Variants in FLII observed in about 807,000 individuals in gnomAD.
FLII encodes FLII actin remodeling protein.
A neutral mutation model predicts 156.2 loss-of-function variants in FLII; 101 were observed. That is an observed-to-expected ratio of 0.65 (90% CI 0.55 to 0.76). The LOEUF (loss-of-function observed/expected upper bound fraction) is 0.76. FLII is among the 30% of genes least tolerant of loss of function. The pLI, the probability that FLII is intolerant of heterozygous loss-of-function variation, is 0.00. For missense variants in FLII, 1,675 were observed against 1,682.8 expected, an observed-to-expected ratio of 1.00 and a Z score of 0.08; for synonymous variants, 767 against 685.8, an observed-to-expected ratio of 1.12 and a Z score of -1.85.
At chr17:18,253,169 AAAG>A (rs1217631366) in intron 9 of FLII, 129 bp downstream of exon 9, 2 of 940,290 alleles carry the variant, frequency 2.1e-6, no homozygotes, top group East Asian at 5.3e-5. Context: ...AAAGAAAAGA[AAAG>A]AAAAGAAAAG....
chr17:18,245,844 T>C lies in FLII; in HGVS notation c.3403A>G (p.Asn1135Asp), dbSNP rs1332987497. ...AAGTTCTCAGGCTCCTCACCTTCGT[T>C]GATAACCTGCGGGAAAGGCCAGTCC... is the stretch of plus-strand genomic sequence containing the variant. ...FDTSYSKQVI[N>D]EGEEPENFFW... Residue 1135 changes from asparagine to aspartate, a missense_variant, in exon 27 of 30, where the codon AAC becomes GAC. Asn to Asp is a conservative substitution (Grantham distance 23, BLOSUM62 1). Transcript: ENST00000327031. 1.2e-6 allele frequency: 2 copies of C among 1,613,764 alleles called. No individual in the cohort carries two copies. Among genetic ancestry groups the C allele is most frequent in the Non-Finnish European group, 1.7e-6 (2 of 1,179,972 alleles).
Position 18,249,320 on chromosome 17 carries a change from C to A in FLII, c.1859+6G>T. ...TCCATACCCCCCACTGCCCACACAC[C>A]CTCACCTGGTGACATAGTGTGTGTC... On this transcript the variant is annotated splice_donor_region_variant and intron_variant, in intron 15 of 29. Coordinates refer to ENST00000327031, the MANE Select transcript of FLII (RefSeq NM_002018.4). 6.2e-7 allele frequency: 1 copy of A among 1,613,796 alleles called. No homozygotes were observed. The highest frequency in any genetic ancestry group is 8.5e-7 in the Non-Finnish European group (1 of 1,179,666).
chr17:18,254,188 A>C lies in FLII; in HGVS notation c.576-6T>G, dbSNP rs747740550. 6.3e-7 allele frequency: 1 copy of C among 1,599,652 alleles called. No homozygotes were observed. Among genetic ancestry groups the C allele is most frequent in the Non-Finnish European group, 8.5e-7 (1 of 1,172,990 alleles). ...CCGTCATCGCTGGGAGCTGCCTGCC[A>C]GGGTGACGTGAGTGGTCAGGGCCAG... On this transcript the variant is annotated splice_region_variant and splice_polypyrimidine_tract_variant and intron_variant, in intron 6 of 29. Transcript: ENST00000327031.
Position 18,251,402 on chromosome 17 carries a change from A to C in FLII, c.1459T>G (p.Tyr487Asp). 6.2e-7 allele frequency: 1 copy of C among 1,613,368 alleles called. No individual in the cohort carries two copies. Among genetic ancestry groups the C allele is most frequent in the Non-Finnish European group, 8.5e-7 (1 of 1,179,948 alleles). ...ACGTCCTCCGTGAAGAACTCGGAGT[A>C]GTCAAGGCGGGGCTTCTCCAGGCCC... ...DQGLEKPRLD[Y>D]SEFFTEDVGQ... is the part of the protein sequence containing the mutation. The change falls in exon 13 of 30, where the codon TAC becomes GAC. Residue 487 changes from tyrosine to aspartate, a missense_variant. Tyr to Asp is a radical substitution (Grantham distance 160). Coordinates refer to ENST00000327031, the MANE Select transcript of FLII (RefSeq NM_002018.4).
In FLII at chr17:18,246,335, C is replaced by T. The variant is rs745813040; in HGVS notation, c.3179G>A (p.Arg1060His). The T allele has an allele frequency of 1.2e-5, 20 of 1,613,604 alleles. No homozygotes were observed. Among genetic ancestry groups the T allele is most frequent in the African/African-American group, 5.3e-5 (4 of 74,930 alleles). The stretch of plus-strand genomic sequence containing the variant: ...GGTGCAGAGGGCGCTGCCGTTGGTG[C>T]GGATCTGGTAGAGGCTGGGCTGTTG... ...GAQQPSLYQIRTNGSALCTRC... is the reference protein window; with the variant it reads ...GAQQPSLYQIHTNGSALCTRC... Residue 1060 changes from arginine to histidine, a missense_variant, in exon 24 of 30, where the codon CGC (arginine) becomes CAC (histidine). This residue lies in a region of FLII where 1,332 missense variants were observed against 1,269.3 expected (regional missense o/e 1.05). Transcript: ENST00000327031.
At chr17:18,249,821 C>A (rs113653888) in intron 14 of FLII, among the ~76,000 whole-genome samples, 8,013 of 149,732 alleles carry the variant, frequency 0.054, 684 homozygotes, top group African/African-American at 0.18. Flanking sequence ...CAAACAACAA[C>A]AAAAAAAACA....
chr17:18,256,115 C>T (rs1304567258), intron 3 of FLII, among the ~76,000 whole-genome samples: 1 of 152,228 alleles, frequency 6.6e-6, no homozygotes, highest in Non-Finnish European at 1.5e-5. Flanking sequence ...ACCAGCTCTA[C>T]CACTGCCTGG....
intron 1 of FLII, among the ~76,000 whole-genome samples, chr17:18,257,799 C>T (rs2048469811): frequency 6.6e-6 from 1 of 152,222 alleles, no homozygotes; most frequent in Non-Finnish European, 1.5e-5. Context: ...CTCCTCGGCC[C>T]CAGCCCCAGA....
At chr17:18,250,726 C>T (rs2048235836) in intron 14 of FLII, 112 bp downstream of exon 14, 3 of 1,194,634 alleles carry the variant, frequency 2.5e-6, no homozygotes, top group East Asian at 4.7e-5. Flanking sequence ...CCTTTAACCC[C>T]AGCTCCCTGC....
chr17:18,248,920 C>T, intron 16 of FLII, 37 bp from the exon 17 acceptor site: 14 of 1,565,014 alleles, frequency 8.9e-6, no homozygotes, highest in Non-Finnish European at 1.2e-5. Flanking sequence ...TGTGATGGTG[C>T]ATGGGGCAAT....
At position 18,254,820 on chromosome 17, in the gene FLII, C is replaced by G. The variant is rs768634078; in HGVS notation, c.362G>C (p.Arg121Pro). 4.3e-6 allele frequency: 7 copies of G among 1,614,022 alleles called. No homozygotes were observed. The South Asian group carries it at 7.7e-5, about 18-fold the overall frequency. ...CATGTTCTTGGCGTTCTCCAGCTCC[C>G]GCGGGCACTCTGTCAGCTGGTTGTG... The part of the protein sequence containing the change: ...LSHNQLTECP[R>P]ELENAKNMLV... The change falls in exon 5 of 30, where the codon CGG becomes CCG. Residue 121 changes from arginine to proline, a missense_variant. This residue lies in a region of FLII where 343 missense variants were observed against 413.5 expected (regional missense o/e 0.83). Transcript: ENST00000327031.
Position 18,252,452 on chromosome 17 carries a change from T to C in FLII, c.1098+20A>G. On this transcript the variant is annotated intron_variant, in intron 10 of 29. Transcript: ENST00000327031. ...CCTTGCTTGTCTCTCTTGAGCCCTC[T>C]CAAACCCAGCATGCCTGACCTCGAT... 3 of 1,611,126 alleles carry C rather than the reference T, an allele frequency of 1.9e-6. No individual in the cohort carries two copies. The highest frequency in any genetic ancestry group is 2.5e-6 in the Non-Finnish European group (3 of 1,177,730).
rs746344862 is a variant in FLII at position 18,257,023 on chromosome 17, G to C, written c.64-4C>G. ...CATTCTCAGGGAAGTAGCCGCCCTG[G>C]GGGAAGGATGTCAAGGTGAAGCACA... On this transcript the variant is annotated splice_region_variant and splice_polypyrimidine_tract_variant and intron_variant, in intron 1 of 29. Transcript: ENST00000327031. The C allele has an allele frequency of 6.3e-7, 1 of 1,588,648 alleles. No individual in the cohort carries two copies. The highest frequency in any genetic ancestry group is 8.6e-7 in the Non-Finnish European group (1 of 1,164,586).
In FLII at chr17:18,255,510, C is replaced by A. The variant is rs964604921; in HGVS notation, c.247-247G>T. 3.3e-5 allele frequency among the ~76,000 whole-genome samples: 5 copies of A among 152,144 alleles called. No homozygotes were observed. In the South Asian group the frequency reaches 1.0e-3, roughly 32 times the overall value. ...GCCCCAGCACAGGGCCCTCAGGGAA[C>A]CTTTTCTGTTCAAACCATTTCTCTT... On this transcript the variant is annotated intron_variant, in intron 3 of 29. Transcript: ENST00000327031.
intron 11 of FLII, 35 bp from the exon 12 acceptor site, chr17:18,251,851 G>A: frequency 6.2e-7 from 1 of 1,612,420 alleles, no homozygotes; most frequent in South Asian, 1.1e-5. Flanking sequence ...GCCCTCACTG[G>A]GCCTGCTGCC....
intron 10 of FLII, 125 bp from the exon 11 acceptor site, chr17:18,252,271 C>T (rs2048295995): frequency 6.2e-6 from 6 of 974,324 alleles, no homozygotes; most frequent in South Asian, 4.4e-5. Context: ...GGTTCTCCTC[C>T]CACCCACCTC....
At chr17:18,245,464 A>C (rs748413408) in intron 28 of FLII, 45 bp from the exon 29 acceptor site, 1 of 1,613,176 alleles carries the variant, frequency 6.2e-7, no homozygotes, top group South Asian at 1.1e-5. Context: ...GTGCCTGGGA[A>C]CAGCCCCTTG....
Position 18,247,409 on chromosome 17 carries a change from G to C in FLII, c.2488-52C>G, listed in dbSNP as rs148316780. ...TGAGGGGTGCGGCATGATTAGAGTT[G>C]GAGGAAGTAGCCCGAGGCTTGAGGC... On this transcript the variant is annotated intron_variant, in intron 20 of 29. Transcript: ENST00000327031. 1,506 of 1,511,122 alleles carry C rather than the reference G, an allele frequency of 1.0e-3. 13 individuals carry two copies. In the African/African-American group the frequency reaches 0.019, roughly 19 times the overall value. 93.6% of individuals were successfully genotyped at this position (1,511,122 alleles called of 1,614,324 possible).
At chr17:18,256,347 T>A (rs1043076591) in intron 3 of FLII, among the ~76,000 whole-genome samples, 179 bp downstream of exon 3, 4 of 152,270 alleles carry the variant, frequency 2.6e-5, no homozygotes, top group African/African-American at 9.6e-5. Context: ...TGGGTTACTT[T>A]ACACAGGGCA....
Sources: gnomAD v4.1 joint callset for allele counts (sites outside exome capture counted in the v4.1 genomes callset) on GRCh38, gnomAD v4.1.1 for gene constraint, gnomAD v4.1.1 regional missense constraint, MANE v1.5 for transcripts, NCBI Gene and HGNC (gene_info 2026-07-23, HGNC 2026-07-21) for gene names.